The following DYNC1I1 variants were observed in gnomAD, a reference collection of about 807,000 sequenced individuals.
DYNC1I1 encodes the protein dynein cytoplasmic 1 intermediate chain 1.
A neutral mutation model predicts 86.6 loss-of-function variants in DYNC1I1; 43 were observed. That is an observed-to-expected ratio of 0.50 (90% confidence interval 0.39 to 0.64). The LOEUF is 0.64. Among genes scored for constraint, DYNC1I1 ranks in the 30% least tolerant of loss-of-function variants. The pLI is 0.00. For synonymous variants in DYNC1I1, 262 were observed against 283.7 expected, an observed-to-expected ratio of 0.92 and a Z score of 0.77; for missense variants, 604 against 788.8, an observed-to-expected ratio of 0.77 and a Z score of 2.81.
chr7:96,073,617 C>A (rs1239060699), intron 14 of DYNC1I1, among the ~76,000 whole-genome samples: 1 of 152,190 alleles, frequency 6.6e-6, no homozygotes, highest in Admixed American at 6.5e-5. Context: ...ATGAAGACCT[C>A]TATACCCTCA....
chr7:95,991,752 G>A (rs1372774047), intron 9 of DYNC1I1, among the ~76,000 whole-genome samples: 1 of 152,100 alleles, frequency 6.6e-6, no homozygotes, highest in Non-Finnish European at 1.5e-5. Flanking sequence ...TGTCCCTGCT[G>A]TCATCTGTCC....
chr7:96,043,115 A>G (rs1446497877), intron 14 of DYNC1I1, among the ~76,000 whole-genome samples: 2 of 150,728 alleles, frequency 1.3e-5, no homozygotes, highest in African/African-American at 4.9e-5. Flanking sequence ...GTTGTAGTGA[A>G]CCGAGATCGT....
intron 14 of DYNC1I1, among the ~76,000 whole-genome samples, chr7:96,065,648 A>T (rs901907864): frequency 6.6e-6 from 1 of 152,086 alleles, no homozygotes; most frequent in Non-Finnish European, 1.5e-5. Flanking sequence ...TTGGTCTCCC[A>T]AAGCGCTGAG....
chr7:95,970,979 G>A (rs1793154044), intron 6 of DYNC1I1, among the ~76,000 whole-genome samples: 1 of 152,140 alleles, frequency 6.6e-6, no homozygotes, highest in South Asian at 2.1e-4. Flanking sequence ...TGACAGGACT[G>A]AGACCCCCCT....
chr7:95,967,084 A>AC (rs1444805769), intron 6 of DYNC1I1, among the ~76,000 whole-genome samples: 1 of 152,160 alleles, frequency 6.6e-6, no homozygotes, highest in Non-Finnish European at 1.5e-5. Context: ...TTTACTAGAC[A>AC]CCCACATTGG....
chr7:95,970,919 A>G (rs878353), intron 6 of DYNC1I1, among the ~76,000 whole-genome samples: 1,068 of 84,904 alleles, frequency 0.013, 15 homozygotes, highest in African/African-American at 0.051. Flanking sequence ...GAGTTGCATC[A>G]TAAAGGCTGT....
intron 6 of DYNC1I1, among the ~76,000 whole-genome samples, chr7:95,909,305 CA>C (rs1303086861): frequency 6.6e-6 from 1 of 150,388 alleles, no homozygotes; most frequent in Non-Finnish European, 1.5e-5. Context: ...ACTCTAGCAG[CA>C]ACAAGGATGT....
At chr7:96,083,755 T>A (rs1790592994) in intron 16 of DYNC1I1, among the ~76,000 whole-genome samples, 2 of 152,176 alleles carry the variant, frequency 1.3e-5, no homozygotes, top group Non-Finnish European at 2.9e-5. Context: ...AAGACTAAAT[T>A]GCCAGTAGGC....
chr7:96,054,078 C>T (rs1372186120), intron 14 of DYNC1I1, among the ~76,000 whole-genome samples: 1 of 152,090 alleles, frequency 6.6e-6, no homozygotes, highest in Admixed American at 6.6e-5. Flanking sequence ...TGGTGGTTTG[C>T]TGCACCCATC....
intron 10 of DYNC1I1, among the ~76,000 whole-genome samples, chr7:96,020,318 A>G (rs1281194027): frequency 6.6e-6 from 1 of 152,128 alleles, no homozygotes; most frequent in Non-Finnish European, 1.5e-5. Context: ...TCACAATCAT[A>G]GTGGAAGGCA....
intron 3 of DYNC1I1, among the ~76,000 whole-genome samples, chr7:95,810,960 C>T (rs533530964): frequency 1.3e-5 from 2 of 152,220 alleles, no homozygotes; most frequent in East Asian, 1.9e-4. Flanking sequence ...ATAGAAGGCA[C>T]AGTGAGAATT....
chr7:96,007,463 T>C (rs1244013025), intron 10 of DYNC1I1, among the ~76,000 whole-genome samples: 1 of 152,158 alleles, frequency 6.6e-6, no homozygotes, highest in Non-Finnish European at 1.5e-5. Context: ...GTAAATAATA[T>C]AGTTCCTGTT....
chr7:95,974,353 A>G (rs767932651), intron 6 of DYNC1I1, among the ~76,000 whole-genome samples: 1 of 152,178 alleles, frequency 6.6e-6, no homozygotes, highest in Non-Finnish European at 1.5e-5. Context: ...GTTAGACTCT[A>G]AGGCAATGTT....
intron 4 of DYNC1I1, among the ~76,000 whole-genome samples, chr7:95,826,883 G>A (rs1795213711): frequency 6.6e-6 from 1 of 152,168 alleles, no homozygotes; most frequent in South Asian, 2.1e-4. Flanking sequence ...TGGTTAGAGA[G>A]AAGTTTGGAA....
intron 6 of DYNC1I1, among the ~76,000 whole-genome samples, chr7:95,901,265 C>T (rs1361273543): frequency 6.6e-6 from 1 of 152,200 alleles, no homozygotes; most frequent in Non-Finnish European, 1.5e-5. Context: ...CCTGTTCAGA[C>T]CAACTTGGAC....
At chr7:95,991,935 A>C (rs564999623) in intron 9 of DYNC1I1, among the ~76,000 whole-genome samples, 1 of 151,978 alleles carries the variant, frequency 6.6e-6, no homozygotes, top group South Asian at 2.1e-4. Flanking sequence ...ATCTCCCCTT[A>C]CTGCAACCTC....
chr7:95,855,362 A>G (rs1199807353), intron 5 of DYNC1I1, among the ~76,000 whole-genome samples: 9 of 152,122 alleles, frequency 5.9e-5, no homozygotes, highest in African/African-American at 2.2e-4. Context: ...TTCTATCTTC[A>G]GAATCCTCTC....
chr7:96,066,558 A>G (rs888579780), intron 14 of DYNC1I1, among the ~76,000 whole-genome samples: 6 of 152,232 alleles, frequency 3.9e-5, no homozygotes, highest in African/African-American at 1.2e-4. Context: ...TTCAGATGGT[A>G]AAAACCTGGG....
chr7:95,993,697 A>G (rs965585447), intron 9 of DYNC1I1, among the ~76,000 whole-genome samples: 1 of 152,224 alleles, frequency 6.6e-6, no homozygotes, highest in East Asian at 1.9e-4. Context: ...CACAACCAGC[A>G]CATTGTAACT....
Sources: gnomAD v4.1 joint callset for allele counts (sites outside exome capture counted in the v4.1 genomes callset) on GRCh38, gnomAD v4.1.1 for gene constraint, MANE v1.5 for transcripts, NCBI Gene and HGNC (gene_info 2026-07-23, HGNC 2026-07-21) for gene names.